The following SUGCT variants were observed in gnomAD, a reference collection of about 807,000 sequenced individuals.
The protein encoded by SUGCT is succinyl-CoA:glutarate CoA-transferase.
In SUGCT, 41 loss-of-function variants were observed where a neutral mutation model predicts 55.0. The ratio of observed to expected loss-of-function variants is 0.74; its 90% confidence interval spans 0.58 to 0.97. The LOEUF (loss-of-function observed/expected upper bound fraction) is 0.97, where lower values mean the gene tolerates loss of function less well. SUGCT is among the 50% of genes least tolerant of loss of function. The pLI is 0.00. For synonymous variants in SUGCT, 187 were observed against 200.4 expected (o/e 0.93, Z 0.56); for missense variants, 568 against 547.8 (o/e 1.04, Z -0.37).
chr7:40,837,286 A>T (rs1159282066), intron 13 of SUGCT, among the ~76,000 whole-genome samples: 1 of 152,090 alleles, frequency 6.6e-6, no homozygotes, highest in African/African-American at 2.4e-5. Flanking sequence ...GCTTTTAAAA[A>T]TTTTTACTCG....
intron 12 of SUGCT, among the ~76,000 whole-genome samples, chr7:40,630,775 T>C (rs1161874783): frequency 6.6e-6 from 1 of 152,014 alleles, no homozygotes; most frequent in Non-Finnish European, 1.5e-5. Flanking sequence ...ACTTTAAAAG[T>C]TGTATAATAA....
intron 13 of SUGCT, among the ~76,000 whole-genome samples, chr7:40,812,353 G>T (rs1206006046): frequency 6.6e-6 from 1 of 151,918 alleles, no homozygotes; most frequent in African/African-American, 2.4e-5. Flanking sequence ...TCTGGTCTGG[G>T]GCTTTTTCTG....
intron 9 of SUGCT, among the ~76,000 whole-genome samples, chr7:40,431,473 G>T (rs2151387532): frequency 6.6e-6 from 1 of 152,218 alleles, no homozygotes; most frequent in South Asian, 2.1e-4. Context: ...TTTCTGTGAA[G>T]AATGCCATTG....
the SUGCT span, among the ~76,000 whole-genome samples, chr7:40,931,493 AAT>A: frequency 6.6e-6 from 1 of 152,180 alleles, no homozygotes; most frequent in Non-Finnish European, 1.5e-5. Flanking sequence ...TTTCAGAAGG[AAT>A]GGTACCATCT....
intron 13 of SUGCT, among the ~76,000 whole-genome samples, chr7:40,836,442 AG>A (rs1792979834): frequency 1.3e-5 from 2 of 152,204 alleles, no homozygotes; most frequent in African/African-American, 4.8e-5. Context: ...GACCATATGC[AG>A]ATTTTACCAG....
intron 9 of SUGCT, among the ~76,000 whole-genome samples, chr7:40,405,830 A>G (rs1786337017): frequency 1.6e-5 from 2 of 128,934 alleles, no homozygotes; most frequent in South Asian, 5.1e-4. Context: ...AAAAAAAAAA[A>G]GAAAAACCAA....
At chr7:40,395,218 G>A (rs1785655843) in intron 9 of SUGCT, among the ~76,000 whole-genome samples, 2 of 152,100 alleles carry the variant, frequency 1.3e-5, no homozygotes, top group Admixed American at 6.6e-5. Flanking sequence ...GCCAGGTGAG[G>A]TGGCTCACGC....
chr7:40,657,033 C>T (rs752065083), intron 12 of SUGCT, among the ~76,000 whole-genome samples: 5 of 152,076 alleles, frequency 3.3e-5, no homozygotes, highest in Non-Finnish European at 4.4e-5. Flanking sequence ...AGATTGAAAC[C>T]GTTTACTTTT....
intron 8 of SUGCT, among the ~76,000 whole-genome samples, chr7:40,305,754 T>C (rs1178919865): frequency 6.6e-6 from 1 of 152,114 alleles, no homozygotes; most frequent in Non-Finnish European, 1.5e-5. Flanking sequence ...CTCAATATTC[T>C]AGGCTCAAAC....
intron 6 of SUGCT, among the ~76,000 whole-genome samples, chr7:40,211,946 TAG>T (rs1787362826): frequency 6.6e-6 from 1 of 152,186 alleles, no homozygotes; most frequent in Non-Finnish European, 1.5e-5. Context: ...CCTCAGGGCC[TAG>T]ATTTTTGAAG....
chr7:40,954,584 GT>G, the SUGCT span, among the ~76,000 whole-genome samples: 1 of 152,106 alleles, frequency 6.6e-6, no homozygotes, highest in Admixed American at 6.5e-5. Flanking sequence ...CTATTTGGCC[GT>G]CTTGGAACTG....
intron 8 of SUGCT, among the ~76,000 whole-genome samples, chr7:40,290,793 TC>T (rs1435684035): frequency 6.6e-6 from 1 of 151,900 alleles, no homozygotes; most frequent in Non-Finnish European, 1.5e-5. Flanking sequence ...TACAATGAAC[TC>T]AAACAAATCT....
intron 8 of SUGCT, among the ~76,000 whole-genome samples, chr7:40,294,244 C>A (rs566545843): frequency 2.6e-4 from 39 of 152,256 alleles, no homozygotes; most frequent in African/African-American, 8.7e-4. Flanking sequence ...GCTACCGCGT[C>A]TGGCCTAGAC....
chr7:40,431,512 T>C (rs146416759), intron 9 of SUGCT, among the ~76,000 whole-genome samples: 2 of 152,358 alleles, frequency 1.3e-5, no homozygotes, highest in East Asian at 3.9e-4. Flanking sequence ...TATTGAAATC[T>C]GTATATTGCT....
chr7:40,997,641 C>T, the SUGCT span, among the ~76,000 whole-genome samples: 4 of 152,204 alleles, frequency 2.6e-5, no homozygotes, highest in African/African-American at 7.2e-5. Context: ...CCTTCTCAAA[C>T]GCATCACCCT....
At chr7:40,393,912 T>C (rs1785579130) in intron 9 of SUGCT, among the ~76,000 whole-genome samples, 1 of 152,122 alleles carries the variant, frequency 6.6e-6, no homozygotes, top group Non-Finnish European at 1.5e-5. Flanking sequence ...TAGTAAGAGA[T>C]TGTACTGGTT....
In SUGCT at chr7:40,635,904, G is replaced by A. The variant is rs186233241; in HGVS notation, c.1090-113530G>A. Among the ~76,000 whole-genome samples, 802 of 152,218 alleles carry A rather than the reference G, an allele frequency of 5.3e-3. 6 individuals are homozygous for A. Among genetic ancestry groups the A allele is most frequent in the African/African-American group, 0.019 (773 of 41,528 alleles). On this transcript the variant is annotated intron_variant, in intron 12 of 13. Coordinates refer to ENST00000335693, the MANE Select transcript of SUGCT (RefSeq NM_001193313.2). ...GATTTAAGTTACTGTGGACTTAATTGACCTAAATATTCCACAGCCATATTG... is the reference window on the plus strand; with the variant it reads ...GATTTAAGTTACTGTGGACTTAATTAACCTAAATATTCCACAGCCATATTG...
At chr7:40,754,111 T>C (rs1013796222) in intron 13 of SUGCT, among the ~76,000 whole-genome samples, 5 of 152,226 alleles carry the variant, frequency 3.3e-5, no homozygotes, top group African/African-American at 7.2e-5. Context: ...GTTTTAGTTA[T>C]GCTAATGCTA....
the SUGCT span, among the ~76,000 whole-genome samples, chr7:41,016,360 A>G: frequency 0.099 from 15,057 of 152,188 alleles, 1,577 homozygotes; most frequent in African/African-American, 0.26. Context: ...ATTATTTTGT[A>G]TTGAAAAATG....
Sources: allele counts gnomAD v4.1 joint callset (sites outside exome capture counted in the v4.1 genomes callset), GRCh38; gene constraint gnomAD v4.1.1; transcripts MANE v1.5; gene names NCBI Gene and HGNC (gene_info 2026-07-23, HGNC 2026-07-21).